KIRREL3: variants seen among roughly 807,000 people sequenced by gnomAD.
The protein encoded by KIRREL3 is kin of IRRE-like protein 3.
KIRREL3 carries 36 observed loss-of-function variants against 89.7 expected under a neutral mutation model. The ratio of observed to expected loss-of-function variants is 0.40; its 90% CI spans 0.31 to 0.53. The LOEUF (loss-of-function observed/expected upper bound fraction) is 0.53, where lower values mean the gene tolerates loss of function less well. Ranked by LOEUF, KIRREL3 falls within the 20% of genes least tolerant of loss-of-function variation. The pLI, the probability that KIRREL3 is intolerant of heterozygous loss-of-function variation, is 0.49. For synonymous variants in KIRREL3, 445 were observed against 441.4 expected (o/e 1.01, Z -0.10); for missense variants, 864 against 1,056.6 (o/e 0.82, Z 2.53).
In KIRREL3 at chr11:126,684,343, T is replaced by C. The variant is rs186872830; in HGVS notation, c.56-121431A>G. 6.6e-6 allele frequency among the ~76,000 whole-genome samples: 1 copy of C among 152,178 alleles called. No individual in the cohort carries two copies. The highest frequency in any genetic ancestry group is 2.4e-5 in the African/African-American group (1 of 41,434). On this transcript the variant is annotated intron_variant, in intron 1 of 16. Transcript: ENST00000525144. The surrounding 1 kb of genome is among the most constrained non-coding windows in gnomAD (Gnocchi z 4.2). ...ATTGCTGATATTTTGAACAGCAGAA[T>C]CCTTATCACAAAGCCAATGGAAACA...
intron 1 of KIRREL3, among the ~76,000 whole-genome samples, chr11:126,835,793 G>T (rs1475503690): frequency 6.6e-6 from 1 of 152,194 alleles, no homozygotes; most frequent in Non-Finnish European, 1.5e-5. Context: ...CTTTGCCTAG[G>T]GGATTTGGTT....
In KIRREL3 at chr11:126,518,728, T is replaced by C. The variant is rs189343198; in HGVS notation, c.433+2587A>G. Reference sequence around the variant, plus strand: ...TCTGTGGGAACAGCCACTCTCTCCATTCCCCTTCCCCAGACCAGGGGTCCC... The same window carrying C: ...TCTGTGGGAACAGCCACTCTCTCCACTCCCCTTCCCCAGACCAGGGGTCCC... On this transcript the variant is annotated intron_variant, in intron 4 of 16. Coordinates refer to ENST00000525144, the MANE Select transcript of KIRREL3 (RefSeq NM_032531.4). Among the ~76,000 whole-genome samples, 10 of 152,310 alleles carry C rather than the reference T, an allele frequency of 6.6e-5. No homozygotes were observed. In the East Asian group the frequency reaches 1.9e-3, roughly 29 times the overall value.
At position 126,723,101 on chromosome 11, in the gene KIRREL3, C is replaced by T. The variant is rs575233184; in HGVS notation, c.56-160189G>A. ...TGCGGTATTTGACACATGTTGGACT[C>T]TCCACTTGACTGAGATTAAGTGGGT... On this transcript the variant is annotated intron_variant, in intron 1 of 16. Transcript: ENST00000525144. This position sits in a 1 kb window ranked among gnomAD's most constrained non-coding sequence, Gnocchi z 4.0. Among the ~76,000 whole-genome samples the T allele has an allele frequency of 6.6e-6, 1 of 152,322 alleles. No individual in the cohort carries two copies. Among genetic ancestry groups the T allele is most frequent in the Non-Finnish European group, 1.5e-5 (1 of 68,030 alleles).
chr11:126,702,163 G>A (rs578257737), intron 1 of KIRREL3, among the ~76,000 whole-genome samples: 6 of 152,244 alleles, frequency 3.9e-5, no homozygotes, highest in African/African-American at 7.2e-5. Context: ...ATCTGTAAAC[G>A]GGAGCAAATC....
chr11:126,701,608 G>A (rs561740298), intron 1 of KIRREL3, among the ~76,000 whole-genome samples: 1 of 152,128 alleles, frequency 6.6e-6, no homozygotes, highest in Non-Finnish European at 1.5e-5. Context: ...AACTCTCATG[G>A]CATGCTACAG....
intron 1 of KIRREL3, among the ~76,000 whole-genome samples, chr11:126,849,883 G>C (rs1017981367): frequency 2.6e-5 from 4 of 152,110 alleles, no homozygotes; most frequent in African/African-American, 9.7e-5. Flanking sequence ...TCAGGAGACT[G>C]ACAGAATACC....
intron 5 of KIRREL3, among the ~76,000 whole-genome samples, chr11:126,468,877 G>A (rs1165341867): frequency 6.6e-6 from 1 of 152,220 alleles, no homozygotes; most frequent in Admixed American, 6.5e-5. Flanking sequence ...ACCATGTTAT[G>A]TTACGGATCC....
chr11:126,577,765 T>TA (rs371522742), intron 1 of KIRREL3, among the ~76,000 whole-genome samples: 1,439 of 142,498 alleles, frequency 0.01, 15 homozygotes, highest in African/African-American at 0.025. Context: ...CTGTCTCAAT[T>TA]AAAAAAAAAA....
intron 2 of KIRREL3, among the ~76,000 whole-genome samples, chr11:126,545,887 G>A (rs906777309): frequency 1.3e-5 from 2 of 152,168 alleles, no homozygotes; most frequent in Admixed American, 1.3e-4. Context: ...CTGAGGCAAG[G>A]GCCATTTAAT....
intron 1 of KIRREL3, among the ~76,000 whole-genome samples, chr11:126,868,290 CT>C (rs57030560): frequency 1 from 152,291 of 152,298 alleles, 76,142 homozygotes; most frequent in Middle Eastern, 1. Context: ...CAGCCCTTGA[CT>C]GAGGGCTTGG....
At chr11:126,760,198 A>G (rs1427427493) in intron 1 of KIRREL3, among the ~76,000 whole-genome samples, 1 of 152,198 alleles carries the variant, frequency 6.6e-6, no homozygotes. Context: ...GGGGTCACCC[A>G]TAGGTCTCCA....
rs1957051697 is a variant in KIRREL3, at chr11:126,475,972, G to A, written c.434-2506C>T. Among the ~76,000 whole-genome samples the A allele has an allele frequency of 6.6e-6, 1 of 152,206 alleles. No homozygotes were observed. Among genetic ancestry groups the A allele is most frequent in the Non-Finnish European group, 1.5e-5 (1 of 68,038 alleles). ...GCTGAGGGCCTGGAAAAAGAGCCAC[G>A]TGGAGCCCTGGGGACAGCCTGGATA... On this transcript the variant is annotated intron_variant, in intron 4 of 16. Transcript: ENST00000525144. The surrounding 1 kb of genome is among the most constrained non-coding windows in gnomAD (Gnocchi z 7.5).
rs1484716141 is a variant in KIRREL3, at chr11:126,685,365, G to T, written c.56-122453C>A. ...GAGAACTTCTTGCAGGAGACTTGGAGACAGAAATTCTTTGGGAAGGAGATG... is the reference window on the plus strand; with the variant it reads ...GAGAACTTCTTGCAGGAGACTTGGATACAGAAATTCTTTGGGAAGGAGATG... On this transcript the variant is annotated intron_variant, in intron 1 of 16. Transcript: ENST00000525144. The surrounding 1 kb of genome is among the most constrained non-coding windows in gnomAD (Gnocchi z 5.5). Among the ~76,000 whole-genome samples the T allele has an allele frequency of 1.3e-5, 2 of 152,128 alleles. No individual in the cohort carries two copies. The highest frequency in any genetic ancestry group is 4.8e-5 in the African/African-American group (2 of 41,416).
At position 126,643,753 on chromosome 11, in the gene KIRREL3, A is replaced by G. The variant is rs999455563; in HGVS notation, c.56-80841T>C. Among the ~76,000 whole-genome samples, 1 of 152,206 alleles carries G rather than the reference A, an allele frequency of 6.6e-6. No individual in the cohort carries two copies. On this transcript the variant is annotated intron_variant, in intron 1 of 16. Coordinates refer to ENST00000525144, the MANE Select transcript of KIRREL3 (RefSeq NM_032531.4). This position sits in a 1 kb window ranked among gnomAD's most constrained non-coding sequence, Gnocchi z 4.5. ...GTAATCTCAGTGAGATTACGTGAGG[A>G]TTTTAACAAAGCTGGTGACAGTAGA... is the stretch of plus-strand genomic sequence containing the variant.
rs904505965 is a variant in KIRREL3 at position 126,486,396 on chromosome 11, G to A, written c.434-12930C>T. Among the ~76,000 whole-genome samples, 2 of 152,210 alleles carry A rather than the reference G, an allele frequency of 1.3e-5. No individual in the cohort carries two copies. The highest frequency in any genetic ancestry group is 4.8e-5 in the African/African-American group (2 of 41,462). Reference sequence around the variant, plus strand: ...TTACACTCACCCTCCCAGTCCTGCGGAGCGAGAGACTTTCTCCTTTCTCCA... The same window carrying A: ...TTACACTCACCCTCCCAGTCCTGCGAAGCGAGAGACTTTCTCCTTTCTCCA... On this transcript the variant is annotated intron_variant, in intron 4 of 16. Transcript: ENST00000525144. The surrounding 1 kb of genome is among the most constrained non-coding windows in gnomAD (Gnocchi z 6.2).
At chr11:126,450,954 T>C (rs1361692184) in intron 7 of KIRREL3, among the ~76,000 whole-genome samples, 2 of 151,166 alleles carry the variant, frequency 1.3e-5, no homozygotes, top group Admixed American at 1.3e-4. Context: ...TGTGTGCATG[T>C]GTGAGCGTGT....
intron 1 of KIRREL3, among the ~76,000 whole-genome samples, chr11:126,659,534 C>T (rs1945301022): frequency 2.0e-5 from 3 of 152,218 alleles, no homozygotes; most frequent in Admixed American, 2.0e-4. Flanking sequence ...CTGTCTCACC[C>T]TGTGTGCCAA....
chr11:126,730,167 A>G lies in KIRREL3; in HGVS notation c.56-167255T>C, dbSNP rs140922437. ...ATTCATCACTCCCAGAGACATTTACATCACGTCTCCACTTAGCCCTTGGCC... is the reference window on the plus strand; with the variant it reads ...ATTCATCACTCCCAGAGACATTTACGTCACGTCTCCACTTAGCCCTTGGCC... On this transcript the variant is annotated intron_variant, in intron 1 of 16. Coordinates refer to ENST00000525144, the MANE Select transcript of KIRREL3 (RefSeq NM_032531.4). Among the ~76,000 whole-genome samples, 1,037 of 152,286 alleles carry G rather than the reference A, an allele frequency of 6.8e-3. 8 individuals are homozygous for G. Among genetic ancestry groups the G allele is most frequent in the Non-Finnish European group, 0.011 (779 of 68,018 alleles).
rs1949207253 is a variant in KIRREL3, at chr11:126,747,941, C to G, written c.56-185029G>C. 6.6e-6 allele frequency among the ~76,000 whole-genome samples: 1 copy of G among 152,270 alleles called. No homozygotes were observed. The highest frequency in any genetic ancestry group is 2.4e-5 in the African/African-American group (1 of 41,556). On this transcript the variant is annotated intron_variant, in intron 1 of 16. Transcript: ENST00000525144. This position sits in a 1 kb window ranked among gnomAD's most constrained non-coding sequence, Gnocchi z 4.7. ...CCTATCCCACAGGGTCTAGATGCGG[C>G]CTTCCCAGGTGACTTTCTGCTCTAC...
Sources: gnomAD v4.1 joint callset for allele counts (sites outside exome capture counted in the v4.1 genomes callset) on GRCh38, gnomAD v4.1.1 for gene constraint, Gnocchi (gnomAD v3.1) non-coding constraint, MANE v1.5 for transcripts, NCBI Gene and HGNC (gene_info 2026-07-23, HGNC 2026-07-21) for gene names.